The following STXBP5 variants were observed in gnomAD, a reference collection of about 807,000 sequenced individuals.
STXBP5 encodes the protein syntaxin binding protein 5, also known as syntaxin-binding protein 5.
A neutral mutation model predicts 152.4 loss-of-function variants in STXBP5; 50 were observed. That is an observed-to-expected ratio of 0.33 (90% CI 0.26 to 0.42). The LOEUF (loss-of-function observed/expected upper bound fraction) is 0.42. Ranked by LOEUF, STXBP5 falls within the 10% of genes least tolerant of loss-of-function variation. The probability of loss-of-function intolerance (pLI) is 1.00; values close to 1 mark genes in which losing one functional copy is unlikely to be tolerated. For synonymous variants in STXBP5, 492 were observed against 494.7 expected, an observed-to-expected ratio of 0.99 and a Z score of 0.07; for missense variants, 1,167 against 1,388.6, an observed-to-expected ratio of 0.84 and a Z score of 2.54.
intron 2 of STXBP5, among the ~76,000 whole-genome samples, chr6:147,208,261 C>G (rs2115018927): frequency 6.6e-6 from 1 of 152,164 alleles, no homozygotes; most frequent in Non-Finnish European, 1.5e-5. Context: ...GGCTTGCTTG[C>G]CAGTAATACC....
At chr6:147,335,491 A>G (rs937735766) in intron 19 of STXBP5, among the ~76,000 whole-genome samples, 2 of 152,232 alleles carry the variant, frequency 1.3e-5, no homozygotes, top group African/African-American at 4.8e-5. Flanking sequence ...TATATTAAAT[A>G]CCATGGGAGA....
chr6:147,315,383 G>A (rs1782590993), intron 14 of STXBP5, 132 bp from the exon 15 acceptor site: 13 of 595,656 alleles, frequency 2.2e-5, no homozygotes, highest in Middle Eastern at 4.6e-4. Context: ...ATAGACTAAC[G>A]TAAATTGAGA....
At chr6:147,262,236 C>A in intron 5 of STXBP5, 54 bp from the exon 6 acceptor site, 2 of 930,386 alleles carry the variant, frequency 2.1e-6, no homozygotes, top group Non-Finnish European at 3.3e-6. Flanking sequence ...AAATATGTAG[C>A]CATATTAAAA....
intron 26 of STXBP5, among the ~76,000 whole-genome samples, chr6:147,378,037 A>G (rs1785897825): frequency 6.6e-6 from 1 of 152,170 alleles, no homozygotes. Flanking sequence ...ACAAAAAGCT[A>G]AAAATTCTAA....
intron 4 of STXBP5, among the ~76,000 whole-genome samples, chr6:147,249,351 A>G (rs1033440366): frequency 6.6e-6 from 1 of 152,204 alleles, no homozygotes; most frequent in Non-Finnish European, 1.5e-5. Flanking sequence ...GGAACTTCGC[A>G]GTGAGTAGAA....
At chr6:147,336,073 G>C (rs1783813100) in intron 19 of STXBP5, among the ~76,000 whole-genome samples, 1 of 152,128 alleles carries the variant, frequency 6.6e-6, no homozygotes, top group Admixed American at 6.5e-5. Context: ...TTTAGGCTTT[G>C]ATTATATTCT....
At chr6:147,221,950 G>GT (rs1275548935) in intron 2 of STXBP5, among the ~76,000 whole-genome samples, 3 of 151,108 alleles carry the variant, frequency 2.0e-5, no homozygotes, top group Admixed American at 6.6e-5. Flanking sequence ...TTTTTTTCCA[G>GT]TTTTTTTTCT....
At position 147,327,347 on chromosome 6, in the gene STXBP5, A is replaced by G. The variant is rs1027026606; in HGVS notation, c.2080+71A>G. 2.2e-5 allele frequency: 33 copies of G among 1,528,896 alleles called. 1 individual carries two copies. The Admixed American group carries it at 6.8e-4, about 32-fold the overall frequency. 94.7% of individuals were successfully genotyped at this position (1,528,896 alleles called of 1,614,324 possible). ...AATGCTGGCTTACTTTTGTGAATAT[A>G]AGTATTATAGTTAGGTAAATAGCTT... is the stretch of plus-strand genomic sequence containing the variant. On this transcript the variant is annotated intron_variant, in intron 18 of 27. Coordinates refer to ENST00000321680, the MANE Select transcript of STXBP5 (RefSeq NM_001127715.4).
intron 2 of STXBP5, among the ~76,000 whole-genome samples, chr6:147,231,239 A>T (rs144654539): frequency 1.6e-4 from 24 of 151,288 alleles, no homozygotes; most frequent in African/African-American, 5.8e-4. Context: ...GCTTACATAG[A>T]GGGTCATGTC....
intron 2 of STXBP5, among the ~76,000 whole-genome samples, chr6:147,231,798 A>G (rs1778020167): frequency 6.6e-6 from 1 of 151,858 alleles, no homozygotes; most frequent in African/African-American, 2.4e-5. Context: ...TACTAAGCAG[A>G]TCTTCATTAT....
rs561446205 is a variant in STXBP5 at position 147,279,447 on chromosome 6, A to C, written c.838+1243A>C. ...AAATTTGAATACCTACTTTTTAAAAAAGCTGACATATTTTGACTTACTGCA... is the reference window on the plus strand; with the variant it reads ...AAATTTGAATACCTACTTTTTAAAACAGCTGACATATTTTGACTTACTGCA... On this transcript the variant is annotated intron_variant, in intron 8 of 27. Transcript: ENST00000321680. 3.3e-4 allele frequency among the ~76,000 whole-genome samples: 51 copies of C among 152,294 alleles called. No homozygotes were observed. In the South Asian group the frequency reaches 4.1e-3, roughly 12 times the overall value.
intron 21 of STXBP5, among the ~76,000 whole-genome samples, chr6:147,339,878 A>C (rs1784013329): frequency 6.6e-6 from 1 of 151,912 alleles, no homozygotes; most frequent in African/African-American, 2.4e-5. Flanking sequence ...CTACTCTCTC[A>C]CCGCAAGTAA....
At chr6:147,212,331 T>C (rs974941205) in intron 2 of STXBP5, among the ~76,000 whole-genome samples, 3 of 152,222 alleles carry the variant, frequency 2.0e-5, no homozygotes, top group African/African-American at 7.2e-5. Context: ...TTCTTTGTTT[T>C]CTGTTTGGTT....
chr6:147,244,085 A>T (rs1778682406), intron 4 of STXBP5, among the ~76,000 whole-genome samples: 1 of 152,236 alleles, frequency 6.6e-6, no homozygotes. Flanking sequence ...TAAAAATAAA[A>T]ATACAAGATA....
intron 11 of STXBP5, among the ~76,000 whole-genome samples, chr6:147,312,924 A>T (rs1404217450): frequency 1.3e-5 from 2 of 152,212 alleles, no homozygotes; most frequent in Admixed American, 6.5e-5. Context: ...AGAAAATACT[A>T]TGCAAGTAAC....
chr6:147,259,726 G>T (rs374816312), intron 4 of STXBP5, among the ~76,000 whole-genome samples: 1 of 151,544 alleles, frequency 6.6e-6, no homozygotes. Flanking sequence ...TCTGAGAGAC[G>T]AAATGGGGGG....
chr6:147,352,701 C>T (rs181893479), intron 21 of STXBP5, among the ~76,000 whole-genome samples: 1 of 152,154 alleles, frequency 6.6e-6, no homozygotes, highest in Non-Finnish European at 1.5e-5. Context: ...TCTTAGGCCT[C>T]TATTCTCTTT....
At chr6:147,233,433 A>G (rs1778104198) in intron 2 of STXBP5, among the ~76,000 whole-genome samples, 1 of 151,798 alleles carries the variant, frequency 6.6e-6, no homozygotes, top group Admixed American at 6.6e-5. Flanking sequence ...TCTTTGCCTA[A>G]TATCAAAAGA....
chr6:147,367,811 T>C (rs987829564), intron 25 of STXBP5, among the ~76,000 whole-genome samples: 1 of 152,124 alleles, frequency 6.6e-6, no homozygotes, highest in African/African-American at 2.4e-5. Context: ...AAACTATTAA[T>C]ATCAGTAATA....
Sources: gnomAD v4.1 joint callset for allele counts (sites outside exome capture counted in the v4.1 genomes callset) on GRCh38, gnomAD v4.1.1 for gene constraint, MANE v1.5 for transcripts, NCBI Gene and HGNC (gene_info 2026-07-23, HGNC 2026-07-21) for gene names.